The following CLVS2 variants were observed in gnomAD, a reference collection of about 807,000 sequenced individuals.
The protein encoded by CLVS2 is clavesin 2, also known as clavesin-2.
In CLVS2, 19 loss-of-function variants were observed where a neutral mutation model predicts 29.0. The observed-to-expected ratio is 0.66, with a 90% confidence interval of 0.46 to 0.96. CLVS2 has a LOEUF of 0.96. Ranked by LOEUF, CLVS2 falls within the 40% of genes least tolerant of loss-of-function variation. The probability of loss-of-function intolerance (pLI) is 0.00; values close to 1 mark genes in which losing one functional copy is unlikely to be tolerated. For synonymous variants in CLVS2, 161 were observed against 151.3 expected (o/e 1.06, Z -0.47); for missense variants, 294 against 404.1 (o/e 0.73, Z 2.34).
At chr6:123,028,694 T>A (rs555234165) in intron 3 of CLVS2, among the ~76,000 whole-genome samples, 1 of 152,334 alleles carries the variant, frequency 6.6e-6, no homozygotes, top group East Asian at 1.9e-4. Flanking sequence ...AAACAATTTT[T>A]CAAAGACAGG....
At chr6:123,007,297 T>C (rs370542424) in intron 2 of CLVS2, among the ~76,000 whole-genome samples, 11 of 152,194 alleles carry the variant, frequency 7.2e-5, no homozygotes, top group African/African-American at 2.7e-4. Flanking sequence ...ATTATTATCA[T>C]CATTTTTAAA....
chr6:123,025,305 G>A (rs543593665), intron 3 of CLVS2, among the ~76,000 whole-genome samples: 38 of 152,070 alleles, frequency 2.5e-4, no homozygotes, highest in Non-Finnish European at 4.6e-4. Flanking sequence ...TGGAGTTTTA[G>A]CTGTGATCTG....
chr6:123,032,973 GT>G (rs1775104610), intron 3 of CLVS2, among the ~76,000 whole-genome samples: 1 of 151,994 alleles, frequency 6.6e-6, no homozygotes, highest in Non-Finnish European at 1.5e-5. Flanking sequence ...ATAGGTAAGA[GT>G]TTTTTGAATT....
chr6:123,023,398 T>TA (rs1774952208), intron 3 of CLVS2, among the ~76,000 whole-genome samples: 1 of 152,076 alleles, frequency 6.6e-6, no homozygotes, highest in South Asian at 2.1e-4. Flanking sequence ...CTCTTGTTTT[T>TA]AGAGTTGGTG....
At chr6:123,002,140 A>T (rs759946542) in intron 2 of CLVS2, among the ~76,000 whole-genome samples, 1 of 152,224 alleles carries the variant, frequency 6.6e-6, no homozygotes, top group Non-Finnish European at 1.5e-5. Flanking sequence ...GTTAATGGCC[A>T]TTCGAAAACA....
intron 2 of CLVS2, among the ~76,000 whole-genome samples, chr6:122,999,910 CTT>C (rs1185406961): frequency 1.3e-5 from 2 of 152,042 alleles, no homozygotes; most frequent in African/African-American, 4.8e-5. Flanking sequence ...ATGAAAGTCA[CTT>C]ATAGTTTTCA....
chr6:123,004,974 T>C (rs1008593957), intron 2 of CLVS2, among the ~76,000 whole-genome samples: 4 of 151,742 alleles, frequency 2.6e-5, no homozygotes, highest in Admixed American at 6.6e-5. Context: ...ACCAATTATC[T>C]ATTCATCAAA....
intron 3 of CLVS2, among the ~76,000 whole-genome samples, chr6:123,042,829 T>C (rs1197126146): frequency 6.6e-6 from 1 of 152,160 alleles, no homozygotes; most frequent in African/African-American, 2.4e-5. Context: ...CAGAACCTTC[T>C]AGAAGATGAA....
At chr6:123,028,783 TTCTC>T (rs1403693892) in intron 3 of CLVS2, among the ~76,000 whole-genome samples, 1 of 152,210 alleles carries the variant, frequency 6.6e-6, no homozygotes, top group Non-Finnish European at 1.5e-5. Flanking sequence ...TGTGACCTGT[TTCTC>T]TATCCCTTTC....
intron 5 of CLVS2, among the ~76,000 whole-genome samples, chr6:123,063,126 T>C (rs1772802581): frequency 6.6e-6 from 1 of 152,214 alleles, no homozygotes; most frequent in African/African-American, 2.4e-5. Context: ...ATTTGGATAT[T>C]CTACTAGGAC....
chr6:123,059,564 G>A (rs1225147670), intron 5 of CLVS2, among the ~76,000 whole-genome samples: 1 of 152,150 alleles, frequency 6.6e-6, no homozygotes, highest in Non-Finnish European at 1.5e-5. Flanking sequence ...CCTGGTATTG[G>A]CACTTGCATT....
rs1418410572 is a variant in CLVS2 at position 123,069,678 on chromosome 6, A to G, written c.*5917A>G. On this transcript the variant is annotated 3_prime_UTR_variant, in exon 6 of 6. Transcript: ENST00000275162. The stretch of plus-strand genomic sequence containing the variant: ...TGGGAATGAACCAGAAAACAAAGAA[A>G]AAGCCAGAGATATTGTCTCCACTCT... 3 of 151,826 alleles carry G rather than the reference A, an allele frequency of 2.0e-5. No individual in the cohort carries two copies. The highest frequency in any genetic ancestry group is 4.4e-5 in the Non-Finnish European group (3 of 67,858). The allele number at this position is 151,826 out of a possible 1,614,324, so 9.4% of individuals were successfully genotyped here.
chr6:123,059,993 GA>G (rs1772752228), intron 5 of CLVS2, among the ~76,000 whole-genome samples: 1 of 152,176 alleles, frequency 6.6e-6, no homozygotes, highest in South Asian at 2.1e-4. Flanking sequence ...ATGGAAAACT[GA>G]AAAATGAGAT....
intron 3 of CLVS2, among the ~76,000 whole-genome samples, chr6:123,017,116 G>A (rs1180836427): frequency 1.3e-5 from 2 of 149,544 alleles, no homozygotes; most frequent in Admixed American, 1.3e-4. Context: ...GTGTGTGTGT[G>A]CGTAAGATGG....
intron 4 of CLVS2, among the ~76,000 whole-genome samples, chr6:123,050,907 CT>C (rs1159847376): frequency 6.6e-6 from 1 of 152,112 alleles, no homozygotes; most frequent in East Asian, 1.9e-4. Context: ...AATTGGACAG[CT>C]TTGACAACCT....
intron 3 of CLVS2, among the ~76,000 whole-genome samples, chr6:123,035,007 G>A (rs1261297533): frequency 6.6e-6 from 1 of 152,088 alleles, no homozygotes; most frequent in Non-Finnish European, 1.5e-5. Context: ...AGTATCGCAG[G>A]CACAATAAAT....
intron 2 of CLVS2, among the ~76,000 whole-genome samples, chr6:123,009,610 C>A (rs143838119): frequency 2.0e-4 from 30 of 152,130 alleles, no homozygotes; most frequent in African/African-American, 5.5e-4. Flanking sequence ...GATTTCGACT[C>A]CTAATCCACT....
intron 3 of CLVS2, among the ~76,000 whole-genome samples, chr6:123,032,267 T>C (rs1775093357): frequency 6.6e-6 from 1 of 152,274 alleles, no homozygotes; most frequent in African/African-American, 2.4e-5. Flanking sequence ...ATGATGTTTT[T>C]CCTCCAGTTA....
At chr6:123,041,544 C>A (rs545794314) in intron 3 of CLVS2, among the ~76,000 whole-genome samples, 1 of 152,282 alleles carries the variant, frequency 6.6e-6, no homozygotes, top group Non-Finnish European at 1.5e-5. Flanking sequence ...ATAATGGGAA[C>A]TGAATTCCCT....
Sources: gnomAD v4.1 joint callset for allele counts (sites outside exome capture counted in the v4.1 genomes callset) on GRCh38, gnomAD v4.1.1 for gene constraint, MANE v1.5 for transcripts, NCBI Gene and HGNC (gene_info 2026-07-23, HGNC 2026-07-21) for gene names.